The following IFT88 variants were observed in gnomAD, a reference collection of about 807,000 sequenced individuals.
IFT88 encodes the protein intraflagellar transport protein 88 homolog.
IFT88 carries 74 observed loss-of-function variants against 119.5 expected under a neutral mutation model. That is an observed-to-expected ratio of 0.62 (90% confidence interval 0.51 to 0.75). IFT88 has a LOEUF of 0.75. IFT88 is among the 30% of genes least tolerant of loss of function. IFT88 has a pLI of 0.00. For missense variants in IFT88, 961 were observed against 977.7 expected (o/e 0.98, Z 0.23); for synonymous variants, 279 against 316.7 (o/e 0.88, Z 1.26).
At chr13:20,677,221 C>T (rs1414804927) in intron 24 of IFT88, among the ~76,000 whole-genome samples, 3 of 152,246 alleles carry the variant, frequency 2.0e-5, no homozygotes, top group South Asian at 2.1e-4. Flanking sequence ...TAGCTATCGG[C>T]GTTCATTTTT....
chr13:20,629,380 G>C (rs536390466), intron 15 of IFT88, among the ~76,000 whole-genome samples: 1 of 152,172 alleles, frequency 6.6e-6, no homozygotes, highest in Non-Finnish European at 1.5e-5. Flanking sequence ...TTGTGGCAAT[G>C]TTATAAGATC....
chr13:20,648,684 T>C (rs2140428631), intron 20 of IFT88, among the ~76,000 whole-genome samples: 2 of 152,240 alleles, frequency 1.3e-5, no homozygotes, highest in East Asian at 3.9e-4. Flanking sequence ...AATAATCACA[T>C]TAAATATAAA....
chr13:20,654,034 AACTT>A (rs1344192582), intron 21 of IFT88, 106 bp downstream of exon 21: 9 of 510,468 alleles, frequency 1.8e-5, no homozygotes, highest in South Asian at 1.2e-4. Context: ...TTAAAATACT[AACTT>A]TTTATAACTG....
intron 24 of IFT88, among the ~76,000 whole-genome samples, chr13:20,674,949 G>A (rs369762709): frequency 7.9e-5 from 12 of 151,610 alleles, no homozygotes; most frequent in African/African-American, 2.4e-4. Context: ...TCCTGACCTC[G>A]TGATCCACCC....
rs537837961 is a variant in IFT88 at position 20,675,244 on chromosome 13, G to C, written c.2242+4205G>C. On this transcript the variant is annotated intron_variant, in intron 24 of 25. Coordinates refer to ENST00000351808, the MANE Select transcript of IFT88 (RefSeq NM_006531.5). Reference sequence around the variant, plus strand: ...AGAAGGAATTGCTGGACATCTATGTGGGGAGGGAGTCTTGAGAGGCCGGGG... The same window carrying C: ...AGAAGGAATTGCTGGACATCTATGTCGGGAGGGAGTCTTGAGAGGCCGGGG... Among the ~76,000 whole-genome samples, 231 of 152,212 alleles carry C rather than the reference G, an allele frequency of 1.5e-3. 1 individual carries two copies. The highest frequency in any genetic ancestry group is 5.4e-3 in the African/African-American group (224 of 41,526).
chr13:20,671,087 T>A, intron 24 of IFT88, 48 bp downstream of exon 24: 1 of 1,429,988 alleles, frequency 7.0e-7, no homozygotes, highest in Non-Finnish European at 9.9e-7. Flanking sequence ...ACATTTCTAG[T>A]ATGTGGGCTT....
At chr13:20,618,062 G>T (rs112777350) in intron 14 of IFT88, among the ~76,000 whole-genome samples, 13 of 152,108 alleles carry the variant, frequency 8.5e-5, no homozygotes, top group African/African-American at 2.7e-4. Context: ...GATTACAGGC[G>T]AAAGCCACCG....
chr13:20,615,905 C>T (rs762671922), intron 14 of IFT88, 26 bp downstream of exon 14: 72 of 1,296,852 alleles, frequency 5.6e-5, no homozygotes, highest in Admixed American at 4.8e-5. Flanking sequence ...TATAATACTG[C>T]ATAGATGTGG....
Position 20,574,464 on chromosome 13 carries a change from T to G in IFT88, c.79T>G (p.Tyr27Asp). 1 of 1,592,196 alleles carries G rather than the reference T, an allele frequency of 6.3e-7. No individual in the cohort carries two copies. The highest frequency in any genetic ancestry group is 1.1e-5 in the South Asian group (1 of 89,602). Residue 27 changes from tyrosine (Y) to aspartate (D), a missense_variant, in exon 2 of 26, where the codon TAT becomes GAT. Tyr to Asp is a radical substitution (Grantham distance 160, BLOSUM62 -3). Coordinates refer to ENST00000351808, the MANE Select transcript of IFT88 (RefSeq NM_006531.5). ...YSGYNDYNPI[Y>D]DIEELENDAA... Reference sequence around the variant, plus strand: ...CGGCTATAATGACTACAATCCAATCTATGATATCGAGGTAACAAAAGCTAG... The same window carrying G: ...CGGCTATAATGACTACAATCCAATCGATGATATCGAGGTAACAAAAGCTAG...
intron 10 of IFT88, among the ~76,000 whole-genome samples, chr13:20,599,244 C>T (rs1477689946): frequency 6.6e-6 from 1 of 151,942 alleles, no homozygotes; most frequent in Admixed American, 6.6e-5. Context: ...TGTTTTCTAG[C>T]CATAGTTTCA....
intron 3 of IFT88, among the ~76,000 whole-genome samples, chr13:20,589,534 G>A (rs191255716): frequency 9.9e-4 from 150 of 152,200 alleles, no homozygotes; most frequent in African/African-American, 3.4e-3. Flanking sequence ...TGTTTAATTC[G>A]TGATGGTTGC....
chr13:20,607,382 A>G, intron 13 of IFT88: 3 of 602,478 alleles, frequency 5.0e-6, no homozygotes, highest in Admixed American at 2.0e-5. Context: ...TAAGGCCACC[A>G]TGCCCATTTG....
At chr13:20,597,241 A>AT (rs1481084584) in intron 9 of IFT88, 122 bp downstream of exon 9, 5 of 527,490 alleles carry the variant, frequency 9.5e-6, no homozygotes, top group Non-Finnish European at 1.7e-5. Flanking sequence ...AATTAGATTA[A>AT]TAATAATCTT....
At chr13:20,625,455 G>T (rs2497485) in intron 14 of IFT88, among the ~76,000 whole-genome samples, 1 of 151,934 alleles carries the variant, frequency 6.6e-6, no homozygotes, top group Non-Finnish European at 1.5e-5. Context: ...GGAAACTGTC[G>T]TCTGTTACAA....
chr13:20,579,994 T>C (rs1011624968), intron 2 of IFT88, among the ~76,000 whole-genome samples: 3 of 152,220 alleles, frequency 2.0e-5, no homozygotes, highest in African/African-American at 4.8e-5. Context: ...AAACTAGTAA[T>C]CCCATCACTC....
chr13:20,644,787 G>C (rs1382134727), intron 19 of IFT88, 56 bp from the exon 20 acceptor site: 3 of 764,736 alleles, frequency 3.9e-6, no homozygotes, highest in Non-Finnish European at 4.5e-6. Flanking sequence ...TATTCAAGAA[G>C]TAAATTATAT....
intron 21 of IFT88, among the ~76,000 whole-genome samples, chr13:20,655,033 T>C (rs2140568022): frequency 6.6e-6 from 1 of 152,334 alleles, no homozygotes; most frequent in East Asian, 1.9e-4. Context: ...GCTAAGATTT[T>C]AGGAAAGATC....
At chr13:20,647,782 A>G (rs915872096) in intron 20 of IFT88, among the ~76,000 whole-genome samples, 1 of 152,190 alleles carries the variant, frequency 6.6e-6, no homozygotes, top group Non-Finnish European at 1.5e-5. Flanking sequence ...GAGAGAGACT[A>G]TTTGAAGAAA....
At chr13:20,618,445 A>G (rs961620394) in intron 14 of IFT88, among the ~76,000 whole-genome samples, 1 of 152,166 alleles carries the variant, frequency 6.6e-6, no homozygotes, top group African/African-American at 2.4e-5. Context: ...TATTAAAATC[A>G]GGGGATTTTA....
Sources: gnomAD v4.1 joint callset for allele counts (sites outside exome capture counted in the v4.1 genomes callset) on GRCh38, gnomAD v4.1.1 for gene constraint, MANE v1.5 for transcripts, NCBI Gene and HGNC (gene_info 2026-07-23, HGNC 2026-07-21) for gene names.